The following LPCAT2 variants were observed in gnomAD, a reference collection of about 807,000 sequenced individuals.
The protein encoded by LPCAT2 is 1-AGP acyltransferase 11.
Under a neutral mutation model 64.7 loss-of-function variants are expected in LPCAT2, and 58 were observed. The ratio of observed to expected loss-of-function variants is 0.90; its 90% CI spans 0.73 to 1.12. The LOEUF is 1.12. Among genes scored for constraint, LPCAT2 ranks in the 50% most tolerant of loss-of-function variants. LPCAT2 has a pLI of 0.00. For synonymous variants in LPCAT2, 252 were observed against 245.3 expected (o/e 1.03, Z -0.26); for missense variants, 579 against 669.8 (o/e 0.86, Z 1.50).
chr16:55,541,751 G>C, intron 8 of LPCAT2: 1 of 631,050 alleles, frequency 1.6e-6, no homozygotes, highest in Non-Finnish European at 2.3e-6. Context: ...AAAATTTATA[G>C]AGTTTTGAGG....
chr16:55,547,965 G>A (rs12931248), intron 9 of LPCAT2, among the ~76,000 whole-genome samples: 121,325 of 151,970 alleles, frequency 0.8, 51,514 homozygotes, highest in Non-Finnish European at 0.94. Flanking sequence ...ATGGGGTTTC[G>A]CCATGTTGGC....
intron 2 of LPCAT2, among the ~76,000 whole-genome samples, chr16:55,527,992 G>A (rs1426541543): frequency 2.6e-5 from 4 of 152,194 alleles, no homozygotes; most frequent in Non-Finnish European, 4.4e-5. Context: ...TATCTCAGTA[G>A]GGGATGTGTG....
rs756166627 is a variant in LPCAT2 at position 55,529,864 on chromosome 16, G to C, written c.559G>C (p.Val187Leu). The C allele has an allele frequency of 3.1e-6, 5 of 1,611,704 alleles. No homozygotes were observed. The highest frequency in any genetic ancestry group is 4.2e-6 in the Non-Finnish European group (5 of 1,179,140). Residue 187 changes from valine (V) to leucine (L), a missense_variant, in exon 4 of 14, where the codon GTG (valine) becomes CTG (leucine). Val to Leu is a conservative substitution (Grantham distance 32). Transcript: ENST00000262134. ...GTTACGGGCTGTGCAACCAGTTTTGGTGTCCCGTGTAGATCCGGATTCCCG... is the reference window on the plus strand; with the variant it reads ...GTTACGGGCTGTGCAACCAGTTTTGCTGTCCCGTGTAGATCCGGATTCCCG... ...RLLRAVQPVL[V>L]SRVDPDSRKN...
chr16:55,524,431 G>C (rs1963139895), intron 1 of LPCAT2, among the ~76,000 whole-genome samples: 1 of 151,906 alleles, frequency 6.6e-6, no homozygotes, highest in African/African-American at 2.4e-5. Context: ...GACACAAGAT[G>C]ACTTTCTGGG....
intron 4 of LPCAT2, 151 bp from the exon 5 acceptor site, chr16:55,531,763 G>T: frequency 1.7e-6 from 1 of 597,964 alleles, no homozygotes; most frequent in Non-Finnish European, 3.0e-6. Context: ...TGAATAATCT[G>T]ATAGTAGCTT....
chr16:55,535,505 A>G (rs1420224), intron 7 of LPCAT2, among the ~76,000 whole-genome samples: 144,007 of 152,252 alleles, frequency 0.95, 68,628 homozygotes, highest in East Asian at 1. Context: ...TTGAAGATAC[A>G]CAAATAACGC....
At chr16:55,571,573 T>G (rs1963770479) in intron 11 of LPCAT2, among the ~76,000 whole-genome samples, 1 of 152,156 alleles carries the variant, frequency 6.6e-6, no homozygotes, top group African/African-American at 2.4e-5. Context: ...ACGGCCTCCC[T>G]CCAAAGAGCT....
chr16:55,565,429 C>G (rs1210828104), intron 11 of LPCAT2, among the ~76,000 whole-genome samples: 1 of 152,000 alleles, frequency 6.6e-6, no homozygotes, highest in Non-Finnish European at 1.5e-5. Flanking sequence ...CAGCATTATT[C>G]CCAATAGCCA....
intron 1 of LPCAT2, among the ~76,000 whole-genome samples, chr16:55,509,905 G>A (rs1219681778): frequency 6.6e-6 from 1 of 151,574 alleles, no homozygotes; most frequent in African/African-American, 2.4e-5. Context: ...GAAGGAATCT[G>A]TGAATCTGTG....
chr16:55,509,968 C>T (rs1962904358), intron 1 of LPCAT2, among the ~76,000 whole-genome samples: 2 of 136,828 alleles, frequency 1.5e-5, no homozygotes, highest in South Asian at 4.8e-4. Flanking sequence ...AGATCTACTA[C>T]GGGAGAGTAG....
In LPCAT2 at chr16:55,531,928, A is replaced by G. The variant is rs375161368; in HGVS notation, c.657A>G (p.Pro219=). The G allele has an allele frequency of 1.3e-6, 2 of 1,589,520 alleles. No individual in the cohort carries two copies. The highest frequency in any genetic ancestry group is 1.7e-6 in the Non-Finnish European group (2 of 1,158,828). Reference sequence around the variant, plus strand: ...TTTTTCCCAAGATACTAGTTTTCCCAGAAGGTACTTGTACTAATCGTTCCT... The same window carrying G: ...TTTTTCCCAAGATACTAGTTTTCCCGGAAGGTACTTGTACTAATCGTTCCT... The part of the protein sequence containing the change: ...GGEWPQILVF[P]EGTCTNRSCL... Residue 219 remains proline, a synonymous_variant, in exon 5 of 14, where the codon CCA becomes CCG. Transcript: ENST00000262134.
At chr16:55,554,305 A>C (rs1963550907) in intron 11 of LPCAT2, among the ~76,000 whole-genome samples, 4 of 152,186 alleles carry the variant, frequency 2.6e-5, no homozygotes, top group Admixed American at 2.6e-4. Flanking sequence ...TTTCATCTGC[A>C]TTGTCATCAA....
At chr16:55,517,742 C>A (rs900747865) in intron 1 of LPCAT2, among the ~76,000 whole-genome samples, 8 of 152,076 alleles carry the variant, frequency 5.3e-5, no homozygotes, top group African/African-American at 1.9e-4. Flanking sequence ...AGAAAATAGA[C>A]ACAGAAAAAC....
intron 2 of LPCAT2, among the ~76,000 whole-genome samples, chr16:55,526,297 C>G (rs1963169291): frequency 6.6e-6 from 1 of 152,080 alleles, no homozygotes; most frequent in African/African-American, 2.4e-5. Context: ...TCTTATTGAA[C>G]AGAACCAAAT....
intron 6 of LPCAT2, among the ~76,000 whole-genome samples, 185 bp downstream of exon 6, chr16:55,533,067 C>A (rs145474010): frequency 1.3e-5 from 2 of 152,094 alleles, no homozygotes; most frequent in East Asian, 1.9e-4. Context: ...TCCATTGATA[C>A]CAATATTAAA....
chr16:55,522,786 T>C (rs1963115653), intron 1 of LPCAT2, among the ~76,000 whole-genome samples: 1 of 151,716 alleles, frequency 6.6e-6, no homozygotes, highest in South Asian at 2.1e-4. Flanking sequence ...TGATCCATAC[T>C]GCATACCACA....
At chr16:55,543,410 A>T (rs1243964552) in intron 8 of LPCAT2, among the ~76,000 whole-genome samples, 1 of 152,176 alleles carries the variant, frequency 6.6e-6, no homozygotes, top group East Asian at 1.9e-4. Context: ...ACCTTTTATG[A>T]CCTAAATCAA....
intron 1 of LPCAT2, among the ~76,000 whole-genome samples, chr16:55,521,750 C>T (rs1239105748): frequency 6.6e-6 from 1 of 151,680 alleles, no homozygotes; most frequent in Non-Finnish European, 1.5e-5. Context: ...GTGATCATCT[C>T]AATAGATGCA....
intron 11 of LPCAT2, among the ~76,000 whole-genome samples, chr16:55,565,124 A>C (rs890131720): frequency 6.6e-6 from 1 of 152,064 alleles, no homozygotes; most frequent in South Asian, 2.1e-4. Flanking sequence ...TCATTAGGGT[A>C]ATGCAAATCA....
Sources: gnomAD v4.1 joint callset for allele counts (sites outside exome capture counted in the v4.1 genomes callset) on GRCh38, gnomAD v4.1.1 for gene constraint, MANE v1.5 for transcripts, NCBI Gene and HGNC (gene_info 2026-07-23, HGNC 2026-07-21) for gene names.